ADAM18: variants seen among roughly 807,000 people sequenced by gnomAD.
ADAM18 encodes the protein disintegrin and metalloproteinase domain-containing protein 18.
ADAM18 carries 117 observed loss-of-function variants against 94.4 expected under a neutral mutation model. The ratio of observed to expected loss-of-function variants is 1.24; its 90% CI spans 1.07 to 1.45. ADAM18 has a LOEUF of 1.45. ADAM18 is among the 40% of genes most tolerant of loss of function. The probability of loss-of-function intolerance (pLI) is 0.00; values close to 1 mark genes in which losing one functional copy is unlikely to be tolerated. For synonymous variants in ADAM18, 327 were observed against 291.6 expected, an observed-to-expected ratio of 1.12 and a Z score of -1.24; for missense variants, 936 against 880.0, an observed-to-expected ratio of 1.06 and a Z score of -0.81.
chr8:39,635,616 T>C (rs1342972751), intron 7 of ADAM18, among the ~76,000 whole-genome samples: 3 of 152,168 alleles, frequency 2.0e-5, no homozygotes, highest in Non-Finnish European at 2.9e-5. Flanking sequence ...TTCCCACAAG[T>C]GTCTTTTTCC....
At chr8:39,690,255 A>G (rs146571805) in intron 16 of ADAM18, among the ~76,000 whole-genome samples, 2 of 152,224 alleles carry the variant, frequency 1.3e-5, no homozygotes, top group East Asian at 3.9e-4. Context: ...CCACTAGGGC[A>G]GAGGCACTCC....
intron 14 of ADAM18, among the ~76,000 whole-genome samples, chr8:39,674,016 A>T (rs912630657): frequency 1.3e-5 from 2 of 152,126 alleles, no homozygotes; most frequent in Non-Finnish European, 2.9e-5. Flanking sequence ...GTTCATTTAC[A>T]TTTGCTGAGG....
chr8:39,657,844 G>T (rs1820729948), intron 12 of ADAM18, among the ~76,000 whole-genome samples: 1 of 151,874 alleles, frequency 6.6e-6, no homozygotes. Context: ...GAGAAGAAAG[G>T]AAAAGCAAAA....
rs137894548 is a variant in ADAM18 at position 39,654,803 on chromosome 8, T to C, written c.1230+6276T>C. 6.0e-3 allele frequency among the ~76,000 whole-genome samples: 914 copies of C among 152,264 alleles called. 5 individuals carry two copies. Among genetic ancestry groups the C allele is most frequent in the African/African-American group, 0.021 (867 of 41,568 alleles). Reference sequence around the variant, plus strand: ...TATGTCCCTGATGATAACTGATGAATGTTTTCTTCATATATCTGTTGTCAT... The same window carrying C: ...TATGTCCCTGATGATAACTGATGAACGTTTTCTTCATATATCTGTTGTCAT... On this transcript the variant is annotated intron_variant, in intron 12 of 19. Transcript: ENST00000265707.
At position 39,603,221 on chromosome 8, in the gene ADAM18, G is replaced by A. The variant is rs111587539; in HGVS notation, c.133-3086G>A. On this transcript the variant is annotated intron_variant, in intron 2 of 19. Transcript: ENST00000265707. ...TTTTTTCTATTCCATTTTTCTGTGCGTCCATTTTGTTTTGCCAATATCATT... is the reference window on the plus strand; with the variant it reads ...TTTTTTCTATTCCATTTTTCTGTGCATCCATTTTGTTTTGCCAATATCATT... Among the ~76,000 whole-genome samples, 258 of 152,124 alleles carry A rather than the reference G, an allele frequency of 1.7e-3. 2 individuals are homozygous for A. The highest frequency in any genetic ancestry group is 5.9e-3 in the African/African-American group (245 of 41,506).
chr8:39,609,380 T>A (rs1819193577), intron 4 of ADAM18, 105 bp from the exon 5 acceptor site: 1 of 762,810 alleles, frequency 1.3e-6, no homozygotes. Flanking sequence ...TAATTAATGA[T>A]CTTATTATTA....
At chr8:39,606,472 G>A in intron 3 of ADAM18, 110 bp downstream of exon 3, 1 of 575,068 alleles carries the variant, frequency 1.7e-6, no homozygotes, top group Non-Finnish European at 2.9e-6. Flanking sequence ...GTATAATGTA[G>A]ACTTGTTTTA....
chr8:39,680,917 T>C (rs534918418), intron 16 of ADAM18, among the ~76,000 whole-genome samples: 8 of 152,320 alleles, frequency 5.3e-5, no homozygotes, highest in Non-Finnish European at 7.3e-5. Flanking sequence ...ATGGAGGATG[T>C]GTTAGTCAAT....
chr8:39,587,697 C>T (rs991764063), intron 2 of ADAM18, among the ~76,000 whole-genome samples: 11 of 152,260 alleles, frequency 7.2e-5, no homozygotes, highest in Middle Eastern at 3.4e-3. Context: ...ACACCAGACT[C>T]GGCCTCCCAA....
At chr8:39,606,937 A>G (rs1158290507) in intron 3 of ADAM18, among the ~76,000 whole-genome samples, 3 of 152,258 alleles carry the variant, frequency 2.0e-5, no homozygotes, top group East Asian at 3.9e-4. Context: ...TCACAAGGAA[A>G]TGTCATCAGT....
intron 14 of ADAM18, among the ~76,000 whole-genome samples, chr8:39,677,043 G>A (rs951049561): frequency 1.3e-5 from 2 of 152,054 alleles, no homozygotes; most frequent in Non-Finnish European, 2.9e-5. Flanking sequence ...GTGCTACAAA[G>A]GACAGGAGGT....
intron 12 of ADAM18, among the ~76,000 whole-genome samples, chr8:39,663,228 C>A (rs985375390): frequency 2.6e-5 from 4 of 151,898 alleles, no homozygotes; most frequent in Non-Finnish European, 4.4e-5. Flanking sequence ...ATATTGCTGA[C>A]CAACTGCTAT....
rs745763968 is a variant in ADAM18, at chr8:39,629,293, C to T, written c.523-81C>T. The T allele has an allele frequency of 2.6e-4, 277 of 1,047,604 alleles. 2 individuals are homozygous for T. Among genetic ancestry groups the T allele is most frequent in the Non-Finnish European group, 3.5e-4 (252 of 720,952 alleles). The allele number at this position is 1,047,604 out of a possible 1,614,324, so 64.9% of individuals were successfully genotyped here. Reference sequence around the variant, plus strand: ...CATGAAAATCTTATATGCAATTTTTCGCTGTCTTTACATGTCATCTTTTTC... The same window carrying T: ...CATGAAAATCTTATATGCAATTTTTTGCTGTCTTTACATGTCATCTTTTTC... On this transcript the variant is annotated intron_variant, in intron 6 of 19. Coordinates refer to ENST00000265707, the MANE Select transcript of ADAM18 (RefSeq NM_014237.3).
intron 2 of ADAM18, among the ~76,000 whole-genome samples, chr8:39,604,285 A>T (rs557143987): frequency 2.8e-4 from 42 of 152,338 alleles, no homozygotes; most frequent in Admixed American, 2.7e-3. Flanking sequence ...ATAAGCCCTC[A>T]TTACGCATTA....
chr8:39,693,487 A>G (rs1321301594), intron 17 of ADAM18, among the ~76,000 whole-genome samples: 1 of 151,154 alleles, frequency 6.6e-6, no homozygotes, highest in African/African-American at 2.4e-5. Context: ...TTTTTACAAT[A>G]TCTCAACACA....
In ADAM18 at chr8:39,620,420, A is replaced by C. The variant is rs142651297; in HGVS notation, c.523-8954A>C. 8.1e-3 allele frequency among the ~76,000 whole-genome samples: 1,207 copies of C among 149,136 alleles called. 21 individuals carry two copies. Among genetic ancestry groups the C allele is most frequent in the African/African-American group, 0.027 (1,124 of 41,010 alleles). On this transcript the variant is annotated intron_variant, in intron 6 of 19. Coordinates refer to ENST00000265707, the MANE Select transcript of ADAM18 (RefSeq NM_014237.3). ...AAACAAAGAAAAAATGTAAAAAAAAACCAACAACCAACCAACCAAACAAAA... is the reference window on the plus strand; with the variant it reads ...AAACAAAGAAAAAATGTAAAAAAAACCCAACAACCAACCAACCAAACAAAA...
At chr8:39,690,155 G>A (rs1821731416) in intron 16 of ADAM18, among the ~76,000 whole-genome samples, 1 of 152,218 alleles carries the variant, frequency 6.6e-6, no homozygotes, top group Non-Finnish European at 1.5e-5. Flanking sequence ...GGCTGGAGTT[G>A]CCAAAGTGCT....
Position 39,667,983 on chromosome 8 carries a change from T to C in ADAM18, c.1327-15T>C, listed in dbSNP as rs768579879. On this transcript the variant is annotated splice_polypyrimidine_tract_variant and intron_variant, in intron 13 of 19. Transcript: ENST00000265707. ...GATTTACAGAACTTAATTTTATTTT[T>C]CCTTTTCCTCCCAGTTGTCAATAGC... The C allele has an allele frequency of 2.4e-5, 38 of 1,610,244 alleles. No individual in the cohort carries two copies. Among genetic ancestry groups the C allele is most frequent in the Non-Finnish European group, 1.6e-5 (19 of 1,177,254 alleles).
At chr8:39,662,934 A>G (rs1820882027) in intron 12 of ADAM18, among the ~76,000 whole-genome samples, 1 of 152,168 alleles carries the variant, frequency 6.6e-6, no homozygotes, top group Non-Finnish European at 1.5e-5. Flanking sequence ...CCCTATTTGA[A>G]TAATAATTGA....
Sources: gnomAD v4.1 joint callset for allele counts (sites outside exome capture counted in the v4.1 genomes callset) on GRCh38, gnomAD v4.1.1 for gene constraint, MANE v1.5 for transcripts, NCBI Gene and HGNC (gene_info 2026-07-23, HGNC 2026-07-21) for gene names.